Variants in AIG1 observed in about 807,000 individuals in gnomAD.
AIG1 encodes the protein androgen-induced gene 1 protein.
A neutral mutation model predicts 31.4 loss-of-function variants in AIG1; 23 were observed. That is an observed-to-expected ratio of 0.73 (90% confidence interval 0.53 to 1.04). The LOEUF is 1.04. Ranked by LOEUF, AIG1 falls within the 50% of genes least tolerant of loss-of-function variation. The pLI is 0.00. For missense variants in AIG1, 274 were observed against 295.0 expected (o/e 0.93, Z 0.52); for synonymous variants, 100 against 110.5 (o/e 0.90, Z 0.60).
At chr6:143,193,085 GC>G (rs1423683655) in intron 3 of AIG1, among the ~76,000 whole-genome samples, 1 of 152,154 alleles carries the variant, frequency 6.6e-6, no homozygotes, top group Non-Finnish European at 1.5e-5. Context: ...CCAGCTCCAG[GC>G]ACTTTCTGCC....
chr6:143,143,286 G>A (rs187375126), intron 2 of AIG1, among the ~76,000 whole-genome samples: 42 of 150,780 alleles, frequency 2.8e-4, no homozygotes, highest in African/African-American at 7.5e-4. Flanking sequence ...CATGAGGTCA[G>A]GAGATCGAGA....
rs140116407 is a variant in AIG1 at position 143,189,424 on chromosome 6, A to C, written c.399+24241A>C. The C allele has an allele frequency of 1.6e-3, 1,605 of 981,310 alleles. 16 individuals are homozygous for C. In the African/African-American group the frequency reaches 0.026, roughly 16 times the overall value. The allele number at this position is 981,310 out of a possible 1,614,324, so 60.8% of individuals were successfully genotyped here. A position where few individuals can be genotyped will look rare whatever the true frequency, so the allele number is the denominator to read the frequency against. ...TAGTAACTTATTTTAAGAATAGTAA[A>C]GTATTTGCAAAATAGTTTTTTAATA... On this transcript the variant is annotated intron_variant, in intron 3 of 5. Transcript: ENST00000357847.
intron 1 of AIG1, 113 bp from the exon 2 acceptor site, chr6:143,136,722 G>C (rs1783788191): frequency 2.0e-6 from 2 of 1,020,616 alleles, no homozygotes; most frequent in Non-Finnish European, 2.6e-6. Flanking sequence ...TTTAAAATAT[G>C]CTTCTGATCC....
Position 143,292,611 on chromosome 6 carries a change from G to C in AIG1, c.515+8386G>C, listed in dbSNP as rs1798129675. ...GACACCTATGTTATACTTCTAACCT[G>C]TAGAATTCTCCGATGAATATGTGTT... On this transcript the variant is annotated intron_variant, in intron 4 of 5. Coordinates refer to ENST00000357847, the MANE Select transcript of AIG1 (RefSeq NM_016108.4). The surrounding 1 kb of genome is among the most constrained non-coding windows in gnomAD (Gnocchi z 4.9). Among the ~76,000 whole-genome samples, 1 of 152,174 alleles carries C rather than the reference G, an allele frequency of 6.6e-6. No homozygotes were observed. Among genetic ancestry groups the C allele is most frequent in the Non-Finnish European group, 1.5e-5 (1 of 68,032 alleles).
intron 3 of AIG1, among the ~76,000 whole-genome samples, chr6:143,231,104 G>T (rs1489049441): frequency 1.3e-5 from 2 of 152,178 alleles, no homozygotes; most frequent in Admixed American, 1.3e-4. Context: ...ATATCATATA[G>T]TATTGTGTAA....
rs1295737135 is a variant in AIG1 at position 143,297,597 on chromosome 6, G to T, written c.515+13372G>T. The stretch of plus-strand genomic sequence containing the variant: ...GGTTGGGTGGGTGGTTGCTTAGTTG[G>T]GTGATTGGTTGATTGGTAGAGTGGT... On this transcript the variant is annotated intron_variant, in intron 4 of 5. Coordinates refer to ENST00000357847, the MANE Select transcript of AIG1 (RefSeq NM_016108.4). This position sits in a 1 kb window ranked among gnomAD's most constrained non-coding sequence, Gnocchi z 5.1. Among the ~76,000 whole-genome samples the T allele has an allele frequency of 2.0e-5, 3 of 152,002 alleles. No individual in the cohort carries two copies. Among genetic ancestry groups the T allele is most frequent in the African/African-American group, 4.8e-5 (2 of 41,400 alleles).
chr6:143,305,670 G>A (rs1292485273), intron 4 of AIG1, among the ~76,000 whole-genome samples: 3 of 152,194 alleles, frequency 2.0e-5, no homozygotes, highest in African/African-American at 4.8e-5. Context: ...TGGAATAGGT[G>A]TGGTGCGGTG....
chr6:143,265,366 C>T (rs1210425403), intron 3 of AIG1, among the ~76,000 whole-genome samples: 1 of 152,188 alleles, frequency 6.6e-6, no homozygotes, highest in Non-Finnish European at 1.5e-5. Context: ...TTATACTTGG[C>T]TAAATATGTA....
chr6:143,078,677 C>T (rs1777942640), intron 1 of AIG1, among the ~76,000 whole-genome samples: 1 of 152,140 alleles, frequency 6.6e-6, no homozygotes, highest in Non-Finnish European at 1.5e-5. Context: ...GACCTCATGA[C>T]ACTTATTCAC....
At chr6:143,335,028 CT>C (rs774416947) in intron 5 of AIG1, 4 of 1,355,886 alleles carry the variant, frequency 3.0e-6, no homozygotes, top group East Asian at 2.8e-5. Context: ...GATTGACTAA[CT>C]TTTTTTAAAA....
intron 3 of AIG1, among the ~76,000 whole-genome samples, chr6:143,249,631 C>T (rs965483575): frequency 1.3e-5 from 2 of 152,248 alleles, no homozygotes; most frequent in African/African-American, 2.4e-5. Flanking sequence ...TCCTACTGCA[C>T]TACCAGTACA....
chr6:143,243,832 G>A (rs1334798370), intron 3 of AIG1, among the ~76,000 whole-genome samples: 1 of 152,132 alleles, frequency 6.6e-6, no homozygotes, highest in African/African-American at 2.4e-5. Flanking sequence ...CACCTCTATG[G>A]GAAGACTGCA....
At position 143,292,201 on chromosome 6, in the gene AIG1, TC is replaced by T. The variant is rs1463316064; in HGVS notation, c.515+7978del. Reference sequence around the variant, plus strand: ...CCACAAGCCCCCAAAGATATCCACATCCTAAAATCCCCAGAACTTGTGGATA... The same window carrying T: ...CCACAAGCCCCCAAAGATATCCACATCTAAAATCCCCAGAACTTGTGGATA... On this transcript the variant is annotated intron_variant, in intron 4 of 5. Coordinates refer to ENST00000357847, the MANE Select transcript of AIG1 (RefSeq NM_016108.4). The surrounding 1 kb of genome is among the most constrained non-coding windows in gnomAD (Gnocchi z 4.9). Among the ~76,000 whole-genome samples, 1 of 152,168 alleles carries T rather than the reference TC, an allele frequency of 6.6e-6. No homozygotes were observed. Among genetic ancestry groups the T allele is most frequent in the African/African-American group, 2.4e-5 (1 of 41,438 alleles).
chr6:143,243,706 A>G (rs944294325), intron 3 of AIG1, among the ~76,000 whole-genome samples: 9 of 152,220 alleles, frequency 5.9e-5, no homozygotes, highest in African/African-American at 1.7e-4. Context: ...TGAATTGATC[A>G]AGAAGAAAAA....
chr6:143,315,597 T>C (rs1394707440), intron 4 of AIG1, among the ~76,000 whole-genome samples: 3 of 152,170 alleles, frequency 2.0e-5, no homozygotes, highest in Non-Finnish European at 4.4e-5. Context: ...CAAATGGCAC[T>C]GCAGCAATTG....
intron 1 of AIG1, among the ~76,000 whole-genome samples, chr6:143,093,296 T>C (rs1200108565): frequency 1.3e-5 from 2 of 152,256 alleles, no homozygotes; most frequent in African/African-American, 2.4e-5. Context: ...GTTTATGTTA[T>C]GAAGACAGCT....
intron 1 of AIG1, among the ~76,000 whole-genome samples, chr6:143,078,952 A>G (rs1777969586): frequency 6.6e-6 from 1 of 151,930 alleles, no homozygotes; most frequent in Admixed American, 6.6e-5. Flanking sequence ...TTTCTTTTAT[A>G]CTCTCCAGCT....
chr6:143,214,955 G>A (rs1009397876), intron 3 of AIG1, among the ~76,000 whole-genome samples: 4 of 152,050 alleles, frequency 2.6e-5, no homozygotes, highest in East Asian at 1.9e-4. Flanking sequence ...CAAATATACC[G>A]TGGTGTGGGA....
At chr6:143,286,840 C>T (rs1010175618) in intron 4 of AIG1, among the ~76,000 whole-genome samples, 62 of 152,034 alleles carry the variant, frequency 4.1e-4, no homozygotes, top group African/African-American at 1.4e-3. Flanking sequence ...AGTGGCCCTC[C>T]GCATCTGAAT....
Sources: allele counts gnomAD v4.1 joint callset (sites outside exome capture counted in the v4.1 genomes callset), GRCh38; gene constraint gnomAD v4.1.1; non-coding constraint Gnocchi (gnomAD v3.1); transcripts MANE v1.5; gene names NCBI Gene and HGNC (gene_info 2026-07-23, HGNC 2026-07-21).